The following GLTP variants were observed in gnomAD, a reference collection of about 807,000 sequenced individuals.
The protein encoded by GLTP is glycolipid transfer protein.
In GLTP, 22 loss-of-function variants were observed where a neutral mutation model predicts 24.0. The ratio of observed to expected loss-of-function variants is 0.92; its 90% CI spans 0.65 to 1.31. The LOEUF is 1.31. Among genes scored for constraint, GLTP ranks in the 50% most tolerant of loss-of-function variants. The pLI, the probability that GLTP is intolerant of heterozygous loss-of-function variation, is 0.00. For missense variants in GLTP, 224 were observed against 276.6 expected (o/e 0.81, Z 1.35); for synonymous variants, 92 against 115.9 (o/e 0.79, Z 1.33).
intron 1 of GLTP, among the ~76,000 whole-genome samples, chr12:109,878,088 T>C (rs1384401805): frequency 6.6e-6 from 1 of 152,104 alleles, no homozygotes; most frequent in Non-Finnish European, 1.5e-5. Context: ...AGCACAGGGA[T>C]TGCAACAAAG....
Position 109,873,190 on chromosome 12 carries a change from A to C in GLTP, c.103+7082T>G, listed in dbSNP as rs186335292. 2.5e-3 allele frequency among the ~76,000 whole-genome samples: 378 copies of C among 148,238 alleles called. 2 individuals are homozygous for C. Among genetic ancestry groups the C allele is most frequent in the African/African-American group, 8.9e-3 (362 of 40,748 alleles). On this transcript the variant is annotated intron_variant, in intron 1 of 4. Coordinates refer to ENST00000318348, the MANE Select transcript of GLTP (RefSeq NM_016433.4). ...GGTATTAGCATTAACTTTAAATTTA[A>C]AAAAAAAAAAGCAGAAAATATTGTA...
At chr12:109,866,548 C>T (rs1002212422) in intron 1 of GLTP, 1 of 152,164 alleles carries the variant, frequency 6.6e-6, no homozygotes, top group African/African-American at 2.4e-5. Context: ...CTAGTTCAGC[C>T]ATCCTGGATG....
intron 1 of GLTP, among the ~76,000 whole-genome samples, chr12:109,874,121 G>A (rs571274573): frequency 6.6e-6 from 1 of 152,312 alleles, no homozygotes; most frequent in East Asian, 1.9e-4. Flanking sequence ...AGCCAGGACA[G>A]CAGGCATGAC....
intron 1 of GLTP, among the ~76,000 whole-genome samples, chr12:109,876,737 C>G (rs1035483081): frequency 6.9e-6 from 1 of 145,158 alleles, no homozygotes; most frequent in Non-Finnish European, 1.5e-5. Context: ...GATGGTTATG[C>G]TATATTGTTG....
chr12:109,863,274 T>G (rs1471265960), intron 1 of GLTP, among the ~76,000 whole-genome samples: 1 of 152,236 alleles, frequency 6.6e-6, no homozygotes, highest in Non-Finnish European at 1.5e-5. Flanking sequence ...AGGTTTTTTT[T>G]CTGCTCATAA....
chr12:109,869,458 T>TC (rs1592893067), intron 1 of GLTP, among the ~76,000 whole-genome samples: 1 of 141,316 alleles, frequency 7.1e-6, no homozygotes, highest in Non-Finnish European at 1.6e-5. Flanking sequence ...GGAAAATTCT[T>TC]TTTTTTTTTT....
In GLTP at chr12:109,880,209, G is replaced by C; in HGVS notation, c.103+63C>G. On this transcript the variant is annotated intron_variant, in intron 1 of 4. Coordinates refer to ENST00000318348, the MANE Select transcript of GLTP (RefSeq NM_016433.4). This position sits in a 1 kb window ranked among gnomAD's most constrained non-coding sequence, Gnocchi z 5.1. ...GGCAGAGATGGTTAGGGGATGCTCG[G>C]GGGAAGGAGGATTCGGGTGCGCGTG... The C allele has an allele frequency of 1.0e-6, 1 of 971,180 alleles. No homozygotes were observed. The highest frequency in any genetic ancestry group is 1.6e-6 in the Non-Finnish European group (1 of 626,388). 60.2% of individuals were successfully genotyped at this position (971,180 alleles called of 1,614,324 possible).
At chr12:109,871,320 C>G (rs534215762) in intron 1 of GLTP, among the ~76,000 whole-genome samples, 1 of 151,982 alleles carries the variant, frequency 6.6e-6, no homozygotes, top group African/African-American at 2.4e-5. Flanking sequence ...CTCCTGACCT[C>G]GTGATCTACC....
intron 1 of GLTP, among the ~76,000 whole-genome samples, chr12:109,862,657 G>A (rs7304168): frequency 0.46 from 70,036 of 151,968 alleles, 16,615 homozygotes; most frequent in South Asian, 0.57. Flanking sequence ...GGCAGAGGTG[G>A]GAGGATCGTT....
intron 1 of GLTP, among the ~76,000 whole-genome samples, chr12:109,861,747 A>C (rs1425343928): frequency 1.6e-4 from 5 of 32,064 alleles, no homozygotes; most frequent in African/African-American, 6.1e-4. Context: ...ACTCCACCTC[A>C]AAAAAAAATA....
intron 4 of GLTP, among the ~76,000 whole-genome samples, chr12:109,854,653 A>G (rs1438420675): frequency 1.3e-5 from 2 of 152,226 alleles, no homozygotes; most frequent in Non-Finnish European, 2.9e-5. Context: ...ATTACAATTC[A>G]TGGGCAGCTG....
In GLTP at chr12:109,855,897, C is replaced by G. The variant is rs1892790118; in HGVS notation, c.297-128G>C. The G allele has an allele frequency of 1.5e-6, 1 of 652,970 alleles. No individual in the cohort carries two copies. The highest frequency in any genetic ancestry group is 1.9e-5 in the African/African-American group (1 of 53,448). 40.4% of individuals were successfully genotyped at this position (652,970 alleles called of 1,614,324 possible). A position where few individuals can be genotyped will look rare whatever the true frequency, so the allele number is the denominator to read the frequency against. On this transcript the variant is annotated intron_variant, in intron 3 of 4. Transcript: ENST00000318348. The surrounding 1 kb of genome is among the most constrained non-coding windows in gnomAD (Gnocchi z 4.1). ...GGGCGCCCCAGAGGGAGTGGTTATT[C>G]CCTAATCATCTTTCCCTTCTGCTTA...
chr12:109,866,107 AAAC>A (rs2136046434), intron 1 of GLTP: 1 of 152,356 alleles, frequency 6.6e-6, no homozygotes, highest in East Asian at 1.9e-4. Flanking sequence ...AGTAAGAATA[AAAC>A]AACAGCCCTA....
rs1191893671 is a variant in GLTP at position 109,862,882 on chromosome 12, T to A, written c.104-4141A>T. ...GCCTGACCAACTTGGTGAAACCCCA[T>A]CTCTAATAAAAATACAAAAATTAGC... On this transcript the variant is annotated intron_variant, in intron 1 of 4. Coordinates refer to ENST00000318348, the MANE Select transcript of GLTP (RefSeq NM_016433.4). 3.3e-5 allele frequency among the ~76,000 whole-genome samples: 5 copies of A among 152,228 alleles called. No homozygotes were observed. In the East Asian group the frequency reaches 9.7e-4, roughly 29 times the overall value.
At chr12:109,862,095 A>C (rs966803790) in intron 1 of GLTP, among the ~76,000 whole-genome samples, 5 of 152,182 alleles carry the variant, frequency 3.3e-5, no homozygotes, top group African/African-American at 1.2e-4. Flanking sequence ...CTGCAGAGGC[A>C]AATCTCCCAG....
At chr12:109,864,809 G>T (rs1024649747) in intron 1 of GLTP, among the ~76,000 whole-genome samples, 1 of 152,066 alleles carries the variant, frequency 6.6e-6, no homozygotes, top group African/African-American at 2.4e-5. Context: ...CAAGCATGTG[G>T]TGGCTTTTCT....
At chr12:109,876,656 G>A (rs1041512698) in intron 1 of GLTP, among the ~76,000 whole-genome samples, 3 of 143,794 alleles carry the variant, frequency 2.1e-5, no homozygotes, top group Admixed American at 7.1e-5. Context: ...AGGAAAGGAA[G>A]GAAAGAAAGA....
In GLTP at chr12:109,852,260, G is replaced by A. The variant is rs1426268813; in HGVS notation, c.*295C>T. The A allele has an allele frequency of 3.7e-6, 1 of 268,444 alleles. No homozygotes were observed. Among genetic ancestry groups the A allele is most frequent in the Admixed American group, 5.3e-5 (1 of 18,988 alleles). The allele number at this position is 268,444 out of a possible 1,614,324, so 16.6% of individuals were successfully genotyped here. ...CCCTAGGACTTGACTCATTAGAAGTGTTAATCGGTTTTTACCACGCTGAAA... is the reference window on the plus strand; with the variant it reads ...CCCTAGGACTTGACTCATTAGAAGTATTAATCGGTTTTTACCACGCTGAAA... On this transcript the variant is annotated 3_prime_UTR_variant, in exon 5 of 5. Transcript: ENST00000318348.
chr12:109,858,673 A>G lies in GLTP; in HGVS notation c.162+10T>C. On this transcript the variant is annotated intron_variant, in intron 2 of 4. Transcript: ENST00000318348. ...AGTCTTGGGCTGTGGCTGCCCGGCCAGGTACATACCGTGATGTTGCCGCTT... is the reference window on the plus strand; with the variant it reads ...AGTCTTGGGCTGTGGCTGCCCGGCCGGGTACATACCGTGATGTTGCCGCTT... 1 of 1,609,230 alleles carries G rather than the reference A, an allele frequency of 6.2e-7. No individual in the cohort carries two copies. Among genetic ancestry groups the G allele is most frequent in the South Asian group, 1.1e-5 (1 of 90,968 alleles).
Sources: allele counts gnomAD v4.1 joint callset (sites outside exome capture counted in the v4.1 genomes callset), GRCh38; gene constraint gnomAD v4.1.1; non-coding constraint Gnocchi (gnomAD v3.1); transcripts MANE v1.5; gene names NCBI Gene and HGNC (gene_info 2026-07-23, HGNC 2026-07-21).